MAN2A1: variants seen among roughly 807,000 people sequenced by gnomAD.
MAN2A1 encodes mannosidase alpha class 2A member 1.
Under a neutral mutation model 142.6 loss-of-function variants are expected in MAN2A1, and 76 were observed. That is an observed-to-expected ratio of 0.53 (90% CI 0.44 to 0.65). The LOEUF is 0.65. Ranked by LOEUF, MAN2A1 falls within the 30% of genes least tolerant of loss-of-function variation. MAN2A1 has a pLI of 0.00. For missense variants in MAN2A1, 1,311 were observed against 1,365.1 expected (o/e 0.96, Z 0.62); for synonymous variants, 559 against 473.2 (o/e 1.18, Z -2.35).
rs564101672 is a variant in MAN2A1 at position 109,738,526 on chromosome 5, C to G, written c.707+9013C>G. ...ACAGTCAGCTTGGTGGTTCTAAAGG[C>G]TGGGAACTGGAACCAGTCCGCCTAG... is the stretch of plus-strand genomic sequence containing the variant. On this transcript the variant is annotated intron_variant, in intron 4 of 21. Coordinates refer to ENST00000261483, the MANE Select transcript of MAN2A1 (RefSeq NM_002372.4). Among the ~76,000 whole-genome samples the G allele has an allele frequency of 1.6e-3, 247 of 152,218 alleles. 2 individuals carry two copies. The highest frequency in any genetic ancestry group is 5.6e-3 in the African/African-American group (232 of 41,550).
chr5:109,730,736 T>C (rs1387907621), intron 4 of MAN2A1, among the ~76,000 whole-genome samples: 2 of 152,172 alleles, frequency 1.3e-5, no homozygotes, highest in Non-Finnish European at 2.9e-5. Flanking sequence ...TTCTAAACAA[T>C]TCTGTGAAAT....
At chr5:109,717,348 G>A (rs543006296) in intron 3 of MAN2A1, among the ~76,000 whole-genome samples, 13 of 151,938 alleles carry the variant, frequency 8.6e-5, no homozygotes, top group South Asian at 4.2e-4. Flanking sequence ...TTTTTTGTGC[G>A]TGTGTGCTGC....
chr5:109,715,544 A>C (rs963534723), intron 2 of MAN2A1, among the ~76,000 whole-genome samples: 5 of 151,890 alleles, frequency 3.3e-5, no homozygotes, highest in Non-Finnish European at 5.9e-5. Flanking sequence ...CAATTTTAAA[A>C]TTTTTCTCAA....
chr5:109,761,580 T>C (rs1269626279), intron 5 of MAN2A1, among the ~76,000 whole-genome samples: 2 of 152,092 alleles, frequency 1.3e-5, no homozygotes, highest in Non-Finnish European at 2.9e-5. Context: ...GAATTTAATT[T>C]ATTTAGTGGT....
intron 16 of MAN2A1, among the ~76,000 whole-genome samples, chr5:109,832,214 T>G (rs1754929558): frequency 6.8e-6 from 1 of 147,458 alleles, no homozygotes; most frequent in Non-Finnish European, 1.5e-5. Flanking sequence ...CTTGGGTGTT[T>G]CTCGGAGAGG....
At chr5:109,695,725 G>A (rs145879887) in intron 1 of MAN2A1, among the ~76,000 whole-genome samples, 1 of 152,286 alleles carries the variant, frequency 6.6e-6, no homozygotes, top group East Asian at 1.9e-4. Flanking sequence ...ATAAAAGTTT[G>A]AGCAGAACTA....
At chr5:109,727,984 C>T (rs1751792487) in intron 3 of MAN2A1, among the ~76,000 whole-genome samples, 1 of 151,970 alleles carries the variant, frequency 6.6e-6, no homozygotes, top group Non-Finnish European at 1.5e-5. Flanking sequence ...TTGAAGTATC[C>T]AGGAGGTGTT....
chr5:109,774,883 A>T lies in MAN2A1; in HGVS notation c.1292A>T (p.Glu431Val). Residue 431 changes from glutamate to valine, a missense_variant, in exon 8 of 22, where the codon GAA becomes GTA. Coordinates refer to ENST00000261483, the MANE Select transcript of MAN2A1 (RefSeq NM_002372.4). ...CTAGGAGATGATTTCCGCTACTGTG[A>T]ATACACGGAATGGGATTTACAGTTT... ...APLGDDFRYC[E>V]YTEWDLQFKN... The T allele has an allele frequency of 6.2e-7, 1 of 1,611,984 alleles. No individual in the cohort carries two copies. The highest frequency in any genetic ancestry group is 1.3e-5 in the African/African-American group (1 of 74,890).
intron 3 of MAN2A1, among the ~76,000 whole-genome samples, chr5:109,719,989 A>G (rs1751557270): frequency 6.6e-6 from 1 of 152,180 alleles, no homozygotes; most frequent in African/African-American, 2.4e-5. Flanking sequence ...TGAATCATAG[A>G]CCATGAAATT....
chr5:109,833,418 G>A (rs62378792), intron 16 of MAN2A1, among the ~76,000 whole-genome samples: 1 of 152,100 alleles, frequency 6.6e-6, no homozygotes, highest in Admixed American at 6.5e-5. Context: ...CTGCAATCCC[G>A]GCACCTCAGG....
At chr5:109,844,848 C>A (rs1417984914) in intron 17 of MAN2A1, among the ~76,000 whole-genome samples, 1 of 152,160 alleles carries the variant, frequency 6.6e-6, no homozygotes, top group Non-Finnish European at 1.5e-5. Context: ...TAGGTCCCAA[C>A]ATAATCCAGA....
chr5:109,743,701 A>G (rs991781750), intron 4 of MAN2A1, among the ~76,000 whole-genome samples: 2 of 152,112 alleles, frequency 1.3e-5, no homozygotes, highest in Non-Finnish European at 2.9e-5. Flanking sequence ...GTCTCGTACT[A>G]TTGTGAAAAC....
chr5:109,770,273 G>A (rs1003543271), intron 6 of MAN2A1, 82 bp from the exon 7 acceptor site: 31 of 1,261,380 alleles, frequency 2.5e-5, no homozygotes, highest in Non-Finnish European at 3.3e-5. Flanking sequence ...GCATTACTTT[G>A]TGTAAAGTAA....
chr5:109,843,963 TC>T (rs1755282065), intron 17 of MAN2A1, among the ~76,000 whole-genome samples: 2 of 152,236 alleles, frequency 1.3e-5, no homozygotes. Flanking sequence ...AATTTTCTCT[TC>T]TATGATTTCC....
chr5:109,784,733 T>C lies in MAN2A1; in HGVS notation c.1578-11T>C. The C allele has an allele frequency of 6.4e-7, 1 of 1,553,582 alleles. No homozygotes were observed. Among genetic ancestry groups the C allele is most frequent in the Non-Finnish European group, 8.7e-7 (1 of 1,154,414 alleles). Reference sequence around the variant, plus strand: ...TGTTTTAAAATAAAAATATGACTTTTATGCAATTAGGGCTGCTGAAATTCT... The same window carrying C: ...TGTTTTAAAATAAAAATATGACTTTCATGCAATTAGGGCTGCTGAAATTCT... On this transcript the variant is annotated splice_polypyrimidine_tract_variant and intron_variant, in intron 9 of 21. Coordinates refer to ENST00000261483, the MANE Select transcript of MAN2A1 (RefSeq NM_002372.4).
chr5:109,739,262 C>T (rs1752197904), intron 4 of MAN2A1, among the ~76,000 whole-genome samples: 2 of 152,068 alleles, frequency 1.3e-5, no homozygotes, highest in African/African-American at 4.8e-5. Flanking sequence ...TATGAAATTT[C>T]AAATTTTCAC....
At position 109,739,517 on chromosome 5, in the gene MAN2A1, A is replaced by G. The variant is rs535367494; in HGVS notation, c.707+10004A>G. Among the ~76,000 whole-genome samples the G allele has an allele frequency of 3.8e-3, 575 of 152,256 alleles. 1 individual carries two copies. Among genetic ancestry groups the G allele is most frequent in the Non-Finnish European group, 5.4e-3 (370 of 68,008 alleles). ...GTCTTCCCTGCCACTCCCTCGGTTCAGTACTCTGGTATTGAGTCTTTTCTG... is the reference window on the plus strand; with the variant it reads ...GTCTTCCCTGCCACTCCCTCGGTTCGGTACTCTGGTATTGAGTCTTTTCTG... On this transcript the variant is annotated intron_variant, in intron 4 of 21. Transcript: ENST00000261483.
intron 7 of MAN2A1, among the ~76,000 whole-genome samples, 199 bp from the exon 8 acceptor site, chr5:109,774,589 G>A (rs112373403): frequency 6.1e-4 from 92 of 151,838 alleles, no homozygotes; most frequent in African/African-American, 2.1e-3. Context: ...TATTTTTAAA[G>A]GATAATGAAA....
At chr5:109,833,413 A>G (rs1754977659) in intron 16 of MAN2A1, among the ~76,000 whole-genome samples, 2 of 152,122 alleles carry the variant, frequency 1.3e-5, no homozygotes, top group Admixed American at 6.5e-5. Context: ...TCCATCTGCA[A>G]TCCCGGCACC....
Sources: allele counts gnomAD v4.1 joint callset (sites outside exome capture counted in the v4.1 genomes callset), GRCh38; gene constraint gnomAD v4.1.1; transcripts MANE v1.5; gene names NCBI Gene and HGNC (gene_info 2026-07-23, HGNC 2026-07-21).